Variants in CBLIF observed in about 807,000 individuals in gnomAD.
CBLIF encodes the protein gastric intrinsic factor (vitamin B synthesis).
A neutral mutation model predicts 44.9 loss-of-function variants in CBLIF; 24 were observed. That is an observed-to-expected ratio of 0.53 (90% confidence interval 0.39 to 0.75). The LOEUF is 0.75. Among genes scored for constraint, CBLIF ranks in the 30% least tolerant of loss-of-function variants. CBLIF has a pLI of 0.00. For synonymous variants in CBLIF, 183 were observed against 190.9 expected (o/e 0.96, Z 0.34); for missense variants, 481 against 513.0 (o/e 0.94, Z 0.60).
At chr11:59,831,631 A>G in intron 8 of CBLIF, 47 bp downstream of exon 8, 2 of 825,408 alleles carry the variant, frequency 2.4e-6, no homozygotes, top group Non-Finnish European at 4.3e-6. Context: ...TAAAGAATGT[A>G]GCCTTCAGAC....
intron 8 of CBLIF, among the ~76,000 whole-genome samples, chr11:59,830,681 A>T (rs1866362529): frequency 6.6e-6 from 1 of 152,196 alleles, no homozygotes; most frequent in Non-Finnish European, 1.5e-5. Context: ...AATACATGCC[A>T]TGCAAAAAAC....
intron 6 of CBLIF, among the ~76,000 whole-genome samples, chr11:59,836,905 T>G (rs1006056063): frequency 2.6e-5 from 4 of 152,358 alleles, no homozygotes; most frequent in East Asian, 1.9e-4. Flanking sequence ...CCATGGAGCT[T>G]CTTCTACCTC....
At chr11:59,834,198 A>G (rs1866410808) in intron 7 of CBLIF, among the ~76,000 whole-genome samples, 1 of 151,210 alleles carries the variant, frequency 6.6e-6, no homozygotes, top group Non-Finnish European at 1.5e-5. Context: ...TACTTCCTCT[A>G]TGCCTCCAAA....
rs1386767244 is a variant in CBLIF at position 59,836,602 on chromosome 11, A to G, written c.871+572T>C. On this transcript the variant is annotated intron_variant, in intron 6 of 8. Transcript: ENST00000257248. ...TCCATCTCATTGATATATTGCGTGCATCGAGCTTTCATATTTAGATCGTTA... is the reference window on the plus strand; with the variant it reads ...TCCATCTCATTGATATATTGCGTGCGTCGAGCTTTCATATTTAGATCGTTA... Among the ~76,000 whole-genome samples the G allele has an allele frequency of 1.3e-5, 2 of 152,234 alleles. 1 individual carries two copies. Among genetic ancestry groups the G allele is most frequent in the Middle Eastern group, 6.3e-3 (2 of 316 alleles).
rs556252543 is a variant in CBLIF at position 59,838,495 on chromosome 11, A to AAG, written c.694-1146_694-1145dup. 4.1e-3 allele frequency among the ~76,000 whole-genome samples: 624 copies of AAG among 152,054 alleles called. 3 individuals carry two copies. Among genetic ancestry groups the AAG allele is most frequent in the Middle Eastern group, 0.01 (3 of 294 alleles). ...TGAAGCTTGGAATAGGAAATGGGAG[A>AAG]AGAGAGAGAGAGGAGTCAGAAACGG... On this transcript the variant is annotated intron_variant, in intron 5 of 8. Transcript: ENST00000257248.
At chr11:59,837,909 G>A (rs1247045734) in intron 5 of CBLIF, among the ~76,000 whole-genome samples, 2 of 152,074 alleles carry the variant, frequency 1.3e-5, no homozygotes, top group East Asian at 3.9e-4. Context: ...ACAGACATTG[G>A]GACACCCAAA....
At chr11:59,839,072 C>T (rs1866490656) in intron 5 of CBLIF, among the ~76,000 whole-genome samples, 1 of 152,148 alleles carries the variant, frequency 6.6e-6, no homozygotes. Context: ...TGGTCTTGAA[C>T]TCCTGACCCC....
chr11:59,842,236 T>C (rs1866541119), intron 4 of CBLIF, among the ~76,000 whole-genome samples: 1 of 152,242 alleles, frequency 6.6e-6, no homozygotes, highest in East Asian at 1.9e-4. Flanking sequence ...TCCTTGTTTC[T>C]ACATAATACT....
At chr11:59,831,960 G>A (rs1866380751) in intron 7 of CBLIF, among the ~76,000 whole-genome samples, 164 bp from the exon 8 acceptor site, 1 of 152,122 alleles carries the variant, frequency 6.6e-6, no homozygotes, top group African/African-American at 2.4e-5. Flanking sequence ...GCTTATGGCA[G>A]CCTCAAAATC....
At position 59,831,897 on chromosome 11, in the gene CBLIF, AT is replaced by A. The variant is rs1051844396; in HGVS notation, c.1074-102del. On this transcript the variant is annotated intron_variant, in intron 7 of 8. Transcript: ENST00000257248. ...AGTCAATTAATTAATTAGTTAATTAATTTTTTAGAGACAAGGTGTGACTTTG... is the reference window on the plus strand; with the variant it reads ...AGTCAATTAATTAATTAGTTAATTAATTTTTAGAGACAAGGTGTGACTTTG... The A allele has an allele frequency of 5.6e-6, 4 of 718,688 alleles. No individual in the cohort carries two copies. The African/African-American group carries it at 7.1e-5, about 13-fold the overall frequency. The allele number at this position is 718,688 out of a possible 1,614,324, so 44.5% of individuals were successfully genotyped here. A position where few individuals can be genotyped will look rare whatever the true frequency, so the allele number is the denominator to read the frequency against.
At chr11:59,831,875 C>CAATTAATTAATTAGTT in intron 7 of CBLIF, 79 bp from the exon 8 acceptor site, 1 of 765,618 alleles carries the variant, frequency 1.3e-6, no homozygotes. Context: ...TAGAGACAGT[C>CAATTAATTAATTAGTT]AATTAATTAA....
Position 59,844,153 on chromosome 11 carries a change from T to C in CBLIF, c.80-98A>G. 3 of 1,019,592 alleles carry C rather than the reference T, an allele frequency of 2.9e-6. No individual in the cohort carries two copies. The Admixed American group carries it at 5.6e-5, about 19-fold the overall frequency. The allele number at this position is 1,019,592 out of a possible 1,614,324, so 63.2% of individuals were successfully genotyped here. The stretch of plus-strand genomic sequence containing the variant: ...GATGCTTTTTCTTTCTTTCTTTTTT[T>C]TTTGAGACAGTGTTACTCTTGTTGC... On this transcript the variant is annotated intron_variant, in intron 1 of 8. Coordinates refer to ENST00000257248, the MANE Select transcript of CBLIF (RefSeq NM_005142.3).
chr11:59,833,898 G>A (rs538797303), intron 7 of CBLIF, among the ~76,000 whole-genome samples: 1 of 151,926 alleles, frequency 6.6e-6, no homozygotes, highest in Non-Finnish European at 1.5e-5. Context: ...ATTTATTTCT[G>A]TATTTTCCCC....
At chr11:59,830,924 T>G (rs1391887128) in intron 8 of CBLIF, among the ~76,000 whole-genome samples, 1 of 152,222 alleles carries the variant, frequency 6.6e-6, no homozygotes, top group Admixed American at 6.5e-5. Flanking sequence ...TTTTGCTAAA[T>G]ACATGATTGA....
intron 4 of CBLIF, 76 bp from the exon 5 acceptor site, chr11:59,841,400 T>C (rs1866527427): frequency 9.9e-7 from 1 of 1,011,484 alleles, no homozygotes; most frequent in Admixed American, 1.9e-5. Context: ...TATTGTGTGC[T>C]TATTATATTC....
At chr11:59,831,823 C>G (rs368603928) in intron 7 of CBLIF, 27 bp from the exon 8 acceptor site, 34 of 1,038,890 alleles carry the variant, frequency 3.3e-5, no homozygotes, top group Non-Finnish European at 5.0e-5. Context: ...ATATGATTAA[C>G]ATCTCACTTT....
intron 5 of CBLIF, among the ~76,000 whole-genome samples, chr11:59,838,845 T>TTTA (rs1283101425): frequency 6.8e-6 from 1 of 147,840 alleles, no homozygotes; most frequent in Non-Finnish European, 1.5e-5. Flanking sequence ...CTTTTCTTTC[T>TTTA]TTCTTTTTTT....
chr11:59,839,654 G>A (rs1866497838), intron 5 of CBLIF, among the ~76,000 whole-genome samples: 1 of 152,136 alleles, frequency 6.6e-6, no homozygotes, highest in South Asian at 2.1e-4. Flanking sequence ...GATAGAGGCA[G>A]TAAAAAGGGT....
intron 5 of CBLIF, among the ~76,000 whole-genome samples, chr11:59,839,622 C>G (rs1866497290): frequency 6.6e-6 from 1 of 152,038 alleles, no homozygotes; most frequent in Non-Finnish European, 1.5e-5. Context: ...TTCCAGATTT[C>G]AGGATGCCTA....
Sources: gnomAD v4.1 joint callset for allele counts (sites outside exome capture counted in the v4.1 genomes callset) on GRCh38, gnomAD v4.1.1 for gene constraint, MANE v1.5 for transcripts, NCBI Gene and HGNC (gene_info 2026-07-23, HGNC 2026-07-21) for gene names.